Variants in NELL1 observed in about 807,000 individuals in gnomAD.
The protein encoded by NELL1 is neural EGFL like 1.
Under a neutral mutation model 107.4 loss-of-function variants are expected in NELL1, and 76 were observed. The ratio of observed to expected loss-of-function variants is 0.71; its 90% CI spans 0.59 to 0.86. NELL1 has a LOEUF of 0.86. Ranked by LOEUF, NELL1 falls within the 40% of genes least tolerant of loss-of-function variation. The pLI, the probability that NELL1 is intolerant of heterozygous loss-of-function variation, is 0.00. For missense variants in NELL1, 1,024 were observed against 1,005.5 expected, an observed-to-expected ratio of 1.02 and a Z score of -0.25; for synonymous variants, 353 against 341.2, an observed-to-expected ratio of 1.03 and a Z score of -0.38.
intron 13 of NELL1, among the ~76,000 whole-genome samples, chr11:21,154,759 A>T (rs1856194038): frequency 6.6e-6 from 1 of 152,186 alleles, no homozygotes; most frequent in Non-Finnish European, 1.5e-5. Context: ...TGAGATGGGT[A>T]TCCCAAGCAG....
In NELL1 at chr11:20,759,109, T is replaced by G. The variant is rs559387835; in HGVS notation, c.185-24571T>G. On this transcript the variant is annotated intron_variant, in intron 2 of 19. Transcript: ENST00000357134. ...AAGCAGTGTAGCTAAGTCCCAAATG[T>G]GGACCTGCCTGACAAACTCTGTCTT... is the stretch of plus-strand genomic sequence containing the variant. Among the ~76,000 whole-genome samples, 59 of 152,364 alleles carry G rather than the reference T, an allele frequency of 3.9e-4. No individual in the cohort carries two copies. In the South Asian group the frequency reaches 0.012, roughly 30 times the overall value.
intron 15 of NELL1, among the ~76,000 whole-genome samples, chr11:21,474,195 T>G (rs2133890232): frequency 6.6e-6 from 1 of 152,212 alleles, no homozygotes; most frequent in African/African-American, 2.4e-5. Flanking sequence ...CTTTCTTTAC[T>G]TAAAATAACA....
intron 14 of NELL1, among the ~76,000 whole-genome samples, chr11:21,236,443 CAAATT>C (rs1302234017): frequency 6.6e-6 from 1 of 152,054 alleles, no homozygotes; most frequent in African/African-American, 2.4e-5. Context: ...AAATCAAAGA[CAAATT>C]AAAATTGTGA....
At chr11:20,686,356 GAGTA>G (rs139814281) in intron 2 of NELL1, among the ~76,000 whole-genome samples, 298 of 152,174 alleles carry the variant, frequency 2.0e-3, no homozygotes, top group African/African-American at 6.9e-3. Context: ...ACAAAGAATT[GAGTA>G]AGTAAGATTT....
At chr11:21,203,430 CTTTTT>C (rs35689054) in intron 13 of NELL1, among the ~76,000 whole-genome samples, 2 of 101,302 alleles carry the variant, frequency 2.0e-5, no homozygotes, top group Non-Finnish European at 2.0e-5. Context: ...GCAACCCTTG[CTTTTT>C]TTTTTTTTTT....
intron 3 of NELL1, among the ~76,000 whole-genome samples, chr11:20,804,550 T>G (rs1016892813): frequency 6.6e-6 from 1 of 152,232 alleles, no homozygotes; most frequent in Non-Finnish European, 1.5e-5. Context: ...CATTGGTCAT[T>G]TAGGAGCCTA....
intron 2 of NELL1, among the ~76,000 whole-genome samples, chr11:20,735,547 G>A (rs1044390820): frequency 1.3e-5 from 2 of 152,124 alleles, no homozygotes; most frequent in South Asian, 2.1e-4. Flanking sequence ...CTCCAACCAG[G>A]TCCCTCCTAC....
At chr11:21,309,282 A>ATATATATG (rs1849685237) in intron 14 of NELL1, among the ~76,000 whole-genome samples, 3 of 10,314 alleles carry the variant, frequency 2.9e-4, no homozygotes, top group African/African-American at 1.5e-3. Flanking sequence ...ATATATATGT[A>ATATATATG]TATATATATA....
intron 14 of NELL1, among the ~76,000 whole-genome samples, chr11:21,232,159 A>AAATATAT (rs1554985116): frequency 1.4e-5 from 1 of 73,206 alleles, no homozygotes; most frequent in East Asian, 4.0e-4. Flanking sequence ...AAAAAAAAAA[A>AAATATAT]ATATATATAT....
Position 21,432,140 on chromosome 11 carries a change from G to C in NELL1, c.1645+61192G>C, listed in dbSNP as rs1277371162. 2.0e-5 allele frequency among the ~76,000 whole-genome samples: 3 copies of C among 151,970 alleles called. No individual in the cohort carries two copies. In the South Asian group the frequency reaches 6.2e-4, roughly 32 times the overall value. On this transcript the variant is annotated intron_variant, in intron 15 of 19. Transcript: ENST00000357134. Reference sequence around the variant, plus strand: ...TGGACCATAAATTTCTTTAGAGTAAGGACCATCCAGGATTCCTTTTTTTTT... The same window carrying C: ...TGGACCATAAATTTCTTTAGAGTAACGACCATCCAGGATTCCTTTTTTTTT...
chr11:21,328,769 A>G (rs376326544), intron 14 of NELL1, among the ~76,000 whole-genome samples: 3 of 152,208 alleles, frequency 2.0e-5, no homozygotes, highest in African/African-American at 7.2e-5. Context: ...GATGTGAGAC[A>G]TGGAGTCAAA....
intron 4 of NELL1, among the ~76,000 whole-genome samples, chr11:20,859,201 C>T (rs570807285): frequency 1.2e-3 from 186 of 152,292 alleles, no homozygotes; most frequent in African/African-American, 4.3e-3. Context: ...CTCCAGCTTC[C>T]GTGAAGAACT....
chr11:21,404,011 C>T (rs868041343), intron 15 of NELL1, among the ~76,000 whole-genome samples: 1 of 109,482 alleles, frequency 9.1e-6, no homozygotes, highest in African/African-American at 3.4e-5. Context: ...CTGAACCCCC[C>T]CCCCCGCAAT....
intron 4 of NELL1, among the ~76,000 whole-genome samples, chr11:20,885,119 T>C (rs961148850): frequency 2.6e-5 from 4 of 152,242 alleles, no homozygotes; most frequent in African/African-American, 9.6e-5. Context: ...TTATGATTCC[T>C]AAATCTGAGC....
At chr11:20,776,231 A>G (rs188467772) in intron 2 of NELL1, among the ~76,000 whole-genome samples, 13 of 152,172 alleles carry the variant, frequency 8.5e-5, no homozygotes, top group Middle Eastern at 3.2e-3. Flanking sequence ...TGAGCCCAGG[A>G]GTTCAAGACC....
At chr11:21,214,934 G>C (rs1161700025) in intron 13 of NELL1, among the ~76,000 whole-genome samples, 1 of 152,116 alleles carries the variant, frequency 6.6e-6, no homozygotes, top group Non-Finnish European at 1.5e-5. Flanking sequence ...AATTAAAATG[G>C]TATAAACTAA....
At chr11:21,482,680 TACTC>T (rs1456785898) in intron 15 of NELL1, among the ~76,000 whole-genome samples, 1 of 151,824 alleles carries the variant, frequency 6.6e-6, no homozygotes, top group African/African-American at 2.4e-5. Context: ...GAGGGCAGAT[TACTC>T]ACTCTCCAGT....
chr11:20,808,865 G>A (rs764590223), intron 3 of NELL1, among the ~76,000 whole-genome samples: 6 of 152,190 alleles, frequency 3.9e-5, no homozygotes, highest in Non-Finnish European at 8.8e-5. Context: ...GCTGCTGGGG[G>A]CTGAGGGAGG....
intron 14 of NELL1, among the ~76,000 whole-genome samples, chr11:21,271,665 T>A (rs1848741995): frequency 6.6e-6 from 1 of 152,030 alleles, no homozygotes; most frequent in Admixed American, 6.6e-5. Context: ...GACAAAAACA[T>A]CACAAGAAAA....
Sources: allele counts gnomAD v4.1 joint callset (sites outside exome capture counted in the v4.1 genomes callset), GRCh38; gene constraint gnomAD v4.1.1; transcripts MANE v1.5; gene names NCBI Gene and HGNC (gene_info 2026-07-23, HGNC 2026-07-21).